ANKRD16: variants seen among roughly 807,000 people sequenced by gnomAD.
ANKRD16 encodes the protein ankyrin repeat domain 16.
ANKRD16 carries 35 observed loss-of-function variants against 37.9 expected under a neutral mutation model. The observed-to-expected ratio is 0.92, with a 90% CI of 0.71 to 1.23. The LOEUF is 1.23. Ranked by LOEUF, ANKRD16 falls within the 50% of genes most tolerant of loss-of-function variation. The pLI, the probability that ANKRD16 is intolerant of heterozygous loss-of-function variation, is 0.00. For missense variants in ANKRD16, 480 were observed against 469.9 expected (o/e 1.02, Z -0.20); for synonymous variants, 206 against 197.2 (o/e 1.04, Z -0.37).
rs1371802348 is a variant in ANKRD16 at position 5,878,822 on chromosome 10, G to C, written c.929-535C>G. On this transcript the variant is annotated intron_variant, in intron 6 of 7. Transcript: ENST00000380094. This position sits in a 1 kb window ranked among gnomAD's most constrained non-coding sequence, Gnocchi z 5.1. ...AAAAAGAAAAAGAAACTTATCTAAA[G>C]CAAGAAGCAACAGAGCAAGTTAACA... is the stretch of plus-strand genomic sequence containing the variant. Among the ~76,000 whole-genome samples, 1 of 150,920 alleles carries C rather than the reference G, an allele frequency of 6.6e-6. No homozygotes were observed. Among genetic ancestry groups the C allele is most frequent in the African/African-American group, 2.4e-5 (1 of 41,088 alleles).
At position 5,878,407 on chromosome 10, in the gene ANKRD16, T is replaced by C; in HGVS notation, c.929-120A>G. 1 of 902,646 alleles carries C rather than the reference T, an allele frequency of 1.1e-6. No individual in the cohort carries two copies. The highest frequency in any genetic ancestry group is 1.6e-6 in the Non-Finnish European group (1 of 617,860). The allele number at this position is 902,646 out of a possible 1,614,324, so 55.9% of individuals were successfully genotyped here. A position where few individuals can be genotyped will look rare whatever the true frequency, so the allele number is the denominator to read the frequency against. On this transcript the variant is annotated intron_variant, in intron 6 of 7. Transcript: ENST00000380094. The surrounding 1 kb of genome is among the most constrained non-coding windows in gnomAD (Gnocchi z 5.1). The stretch of plus-strand genomic sequence containing the variant: ...TTTCAATATCTTCCGTAATCCATCT[T>C]CACAACTTCACCTATACTAGATCAA...
Position 5,874,912 on chromosome 10 carries a change from G to A in ANKRD16, c.*33+3185C>T, listed in dbSNP as rs1194294877. ...CCTGACAGAGGAGTGCAGAGGCAGA[G>A]AAGGAAAAGGCAGAAAGAAAAACCC... On this transcript the variant is annotated intron_variant, in intron 7 of 7. Coordinates refer to ENST00000380094, the MANE Select transcript of ANKRD16 (RefSeq NM_019046.3). This position sits in a 1 kb window ranked among gnomAD's most constrained non-coding sequence, Gnocchi z 4.7. 6.6e-6 allele frequency among the ~76,000 whole-genome samples: 1 copy of A among 152,176 alleles called. No homozygotes were observed. Among genetic ancestry groups the A allele is most frequent in the Admixed American group, 6.5e-5 (1 of 15,276 alleles).
intron 1 of ANKRD16, 147 bp from the exon 2 acceptor site, chr10:5,888,214 G>A (rs1396645463): frequency 5.8e-6 from 4 of 685,594 alleles, no homozygotes; most frequent in Admixed American, 2.8e-5. Context: ...AGCTTTGACC[G>A]GCAACCTCTG....
In ANKRD16 at chr10:5,888,935, G is replaced by T. The variant is rs1045877970; in HGVS notation, c.314+106C>A. 33 of 1,258,592 alleles carry T rather than the reference G, an allele frequency of 2.6e-5. No individual in the cohort carries two copies. The African/African-American group carries it at 4.8e-4, about 18-fold the overall frequency. The allele number at this position is 1,258,592 out of a possible 1,614,324, so 78.0% of individuals were successfully genotyped here. A position where few individuals can be genotyped will look rare whatever the true frequency, so the allele number is the denominator to read the frequency against. On this transcript the variant is annotated intron_variant, in intron 1 of 7. Coordinates refer to ENST00000380094, the MANE Select transcript of ANKRD16 (RefSeq NM_019046.3). Reference sequence around the variant, plus strand: ...CTGAGCAGGCCTGGGGTGAGAACTAGGAGCTGAGAACAGCTACGGTGTCCA... The same window carrying T: ...CTGAGCAGGCCTGGGGTGAGAACTATGAGCTGAGAACAGCTACGGTGTCCA...
Position 5,864,809 on chromosome 10 carries a change from T to A in ANKRD16, c.*34-2118A>T, listed in dbSNP as rs529424018. On this transcript the variant is annotated intron_variant, in intron 7 of 7. Transcript: ENST00000380094. The surrounding 1 kb of genome is among the most constrained non-coding windows in gnomAD (Gnocchi z 4.4). ...GGAGAATTAGGAAAAAGCCTGTGAA[T>A]TATTTGATGATGTCCACCATAACTC... Among the ~76,000 whole-genome samples the A allele has an allele frequency of 1.3e-5, 2 of 152,322 alleles. No homozygotes were observed. The highest frequency in any genetic ancestry group is 4.1e-4 in the South Asian group (2 of 4,820).
rs1023666193 is a variant in ANKRD16, at chr10:5,863,535, G to A, written c.*34-844C>T. 6.6e-6 allele frequency among the ~76,000 whole-genome samples: 1 copy of A among 152,084 alleles called. No homozygotes were observed. The highest frequency in any genetic ancestry group is 2.4e-5 in the African/African-American group (1 of 41,380). On this transcript the variant is annotated intron_variant, in intron 7 of 7. Coordinates refer to ENST00000380094, the MANE Select transcript of ANKRD16 (RefSeq NM_019046.3). The surrounding 1 kb of genome is among the most constrained non-coding windows in gnomAD (Gnocchi z 4.7). ...TGGACCAATCAGCACTCTGTAAAATGGACCAATCAGCAGGACGTGGGCGGG... is the reference window on the plus strand; with the variant it reads ...TGGACCAATCAGCACTCTGTAAAATAGACCAATCAGCAGGACGTGGGCGGG...
In ANKRD16 at chr10:5,870,025, T is replaced by C. The variant is rs1486538126; in HGVS notation, c.*34-7334A>G. Among the ~76,000 whole-genome samples, 1 of 152,166 alleles carries C rather than the reference T, an allele frequency of 6.6e-6. No individual in the cohort carries two copies. The highest frequency in any genetic ancestry group is 1.5e-5 in the Non-Finnish European group (1 of 68,028). On this transcript the variant is annotated intron_variant, in intron 7 of 7. Coordinates refer to ENST00000380094, the MANE Select transcript of ANKRD16 (RefSeq NM_019046.3). The surrounding 1 kb of genome is among the most constrained non-coding windows in gnomAD (Gnocchi z 5.0). ...CAGGATCCCTAGGTTTGAAGGAATC[T>C]GCATTTTAACAAGACTCTAGTTGCT... is the stretch of plus-strand genomic sequence containing the variant.
intron 7 of ANKRD16, among the ~76,000 whole-genome samples, chr10:5,872,613 G>C (rs1459768948): frequency 6.6e-6 from 1 of 152,062 alleles, no homozygotes; most frequent in African/African-American, 2.4e-5. Flanking sequence ...CTGGAGTGCA[G>C]TGGCGCGATC....
At position 5,870,417 on chromosome 10, in the gene ANKRD16, TTTTTGAAACAGGG is replaced by T. The variant is rs1205184906; in HGVS notation, c.*33+7667_*33+7679del. ...CCCTCCCTACTGCTTTTTTTTTTTT[TTTTTGAAACAGGG>T]TTTTGCTCTGTCACCCAGGCTGGAA... On this transcript the variant is annotated intron_variant, in intron 7 of 7. Coordinates refer to ENST00000380094, the MANE Select transcript of ANKRD16 (RefSeq NM_019046.3). The surrounding 1 kb of genome is among the most constrained non-coding windows in gnomAD (Gnocchi z 5.0). 6.6e-6 allele frequency among the ~76,000 whole-genome samples: 1 copy of T among 151,876 alleles called. No individual in the cohort carries two copies. The highest frequency in any genetic ancestry group is 1.5e-5 in the Non-Finnish European group (1 of 67,916).
At chr10:5,886,821 T>C (rs958408144) in intron 2 of ANKRD16, among the ~76,000 whole-genome samples, 9 of 152,354 alleles carry the variant, frequency 5.9e-5, no homozygotes, top group African/African-American at 1.9e-4. Context: ...AATGAGCAAA[T>C]TGAAACTTTT....
Position 5,883,141 on chromosome 10 carries a change from C to G in ANKRD16, c.714G>C (p.Leu238=). ...HGACLSAEDS[L]GAQALHRAAV... ...CTGCCCTGTGCAGAGCCTGGGCACC[C>G]AGGCTGTCTTCTGCTGAAAGGCAAG... The change falls in exon 5 of 8, where the codon CTG becomes CTC. Residue 238 remains leucine, a synonymous_variant. Transcript: ENST00000380094. The G allele has an allele frequency of 6.2e-7, 1 of 1,613,944 alleles. No individual in the cohort carries two copies. The highest frequency in any genetic ancestry group is 8.5e-7 in the Non-Finnish European group (1 of 1,180,012).
At chr10:5,880,209 G>GAAAA in intron 6 of ANKRD16, 89 bp downstream of exon 6, 1 of 231,964 alleles carries the variant, frequency 4.3e-6, no homozygotes, top group South Asian at 1.1e-4. Flanking sequence ...AAAAAAGGAA[G>GAAAA]AATATTAAAA....
rs1214601721 is a variant in ANKRD16, at chr10:5,870,821, G to A, written c.*33+7276C>T. Among the ~76,000 whole-genome samples, 2 of 152,208 alleles carry A rather than the reference G, an allele frequency of 1.3e-5. No individual in the cohort carries two copies. The highest frequency in any genetic ancestry group is 6.5e-5 in the Admixed American group (1 of 15,284). On this transcript the variant is annotated intron_variant, in intron 7 of 7. Coordinates refer to ENST00000380094, the MANE Select transcript of ANKRD16 (RefSeq NM_019046.3). The surrounding 1 kb of genome is among the most constrained non-coding windows in gnomAD (Gnocchi z 5.0). The stretch of plus-strand genomic sequence containing the variant: ...TGAAGCCAGGAGAGGTGTCATGTTG[G>A]TTGAAATGCCTGCAGAACCCTCCTG...
chr10:5,886,871 G>C (rs1367134960), intron 2 of ANKRD16, among the ~76,000 whole-genome samples: 2 of 152,168 alleles, frequency 1.3e-5, no homozygotes, highest in African/African-American at 2.4e-5. Context: ...AGAGTTAAGA[G>C]TCACTACTCC....
chr10:5,887,044 A>C (rs1842434945), intron 2 of ANKRD16, among the ~76,000 whole-genome samples: 1 of 152,244 alleles, frequency 6.6e-6, no homozygotes. Context: ...GAATGTAAAC[A>C]TGATAAAGAA....
rs776763829 is a variant in ANKRD16 at position 5,883,968 on chromosome 10, C to T, written c.687+1G>A. On this transcript the variant is annotated splice_donor_variant, in intron 4 of 7. Transcript: ENST00000380094. LOFTEE classifies it high-confidence loss of function. ...GAATAAAAACACAACCATTTTTATACCCCATGTTCATCGAGGAGCAGCCTA... is the reference window on the plus strand; with the variant it reads ...GAATAAAAACACAACCATTTTTATATCCCATGTTCATCGAGGAGCAGCCTA... 1 of 1,613,148 alleles carries T rather than the reference C, an allele frequency of 6.2e-7. No homozygotes were observed. Among genetic ancestry groups the T allele is most frequent in the Non-Finnish European group, 8.5e-7 (1 of 1,179,344 alleles).
At position 5,889,238 on chromosome 10, in the gene ANKRD16, G is replaced by GGT; in HGVS notation, c.115_116dup (p.Leu40ProfsTer62). On this transcript the variant is annotated frameshift_variant, in exon 1 of 8. Coordinates refer to ENST00000380094, the MANE Select transcript of ANKRD16 (RefSeq NM_019046.3). LOFTEE classifies it high-confidence loss of function. ...CGTGGCGCGCGGCGCAGTGCAGGAG[G>GGT]GTATCCCCGGCCGGCCCCGGGCAGC... 1 of 1,546,132 alleles carries GGT rather than the reference G, an allele frequency of 6.5e-7. No homozygotes were observed. Among genetic ancestry groups the GGT allele is most frequent in the East Asian group, 2.4e-5 (1 of 41,166 alleles).
chr10:5,889,192 A>G lies in ANKRD16; in HGVS notation c.163T>C (p.Tyr55His), dbSNP rs1842533950. ...ARHGHRDVLAYLAEAWGMDIE... is the reference protein window; with the variant it reads ...ARHGHRDVLAHLAEAWGMDIE... ...TCCATGCCCCAGGCCTCGGCCAGAT[A>G]GGCCAGCACGTCCCGATGCCCGTGG... is the stretch of plus-strand genomic sequence containing the variant. The change falls in exon 1 of 8, where the codon TAT becomes CAT. Residue 55 changes from tyrosine to histidine, a missense_variant. By Grantham distance (83) the Tyr-to-His change is moderately conservative. Transcript: ENST00000380094. 6.3e-7 allele frequency: 1 copy of G among 1,597,230 alleles called. No homozygotes were observed. The highest frequency in any genetic ancestry group is 1.3e-5 in the African/African-American group (1 of 74,902).
In ANKRD16 at chr10:5,882,995, A is replaced by T; in HGVS notation, c.849+11T>A. On this transcript the variant is annotated intron_variant, in intron 5 of 7. Transcript: ENST00000380094. Reference sequence around the variant, plus strand: ...AGGGAAGCTCGGACAACGTTATAAGAAGTAACAAACCTTAGCTGCATAATG... The same window carrying T: ...AGGGAAGCTCGGACAACGTTATAAGTAGTAACAAACCTTAGCTGCATAATG... 1.2e-6 allele frequency: 2 copies of T among 1,612,006 alleles called. No homozygotes were observed. The highest frequency in any genetic ancestry group is 1.7e-6 in the Non-Finnish European group (2 of 1,179,806).
Sources: allele counts gnomAD v4.1 joint callset (sites outside exome capture counted in the v4.1 genomes callset), GRCh38; gene constraint gnomAD v4.1.1; non-coding constraint Gnocchi (gnomAD v3.1); transcripts MANE v1.5; gene names NCBI Gene and HGNC (gene_info 2026-07-23, HGNC 2026-07-21).